Variants in XNDC1N observed in about 807,000 individuals in gnomAD.
XNDC1N encodes XRCC1 N-terminal domain containing 1, N-terminal like.
chr11:71,883,752 A>T, the XNDC1N span, among the ~76,000 whole-genome samples: 1 of 152,220 alleles, frequency 6.6e-6, no homozygotes, highest in African/African-American at 2.4e-5. Flanking sequence ...GGGAATATTT[A>T]TGGGAGATTA....
chr11:71,915,083 C>A, the XNDC1N span, among the ~76,000 whole-genome samples: 1 of 152,158 alleles, frequency 6.6e-6, no homozygotes, highest in South Asian at 2.1e-4. Context: ...GCCAGCCCAA[C>A]CTTCAGCAAT....
chr11:71,867,347 C>T, the XNDC1N span, among the ~76,000 whole-genome samples: 1 of 152,162 alleles, frequency 6.6e-6, no homozygotes, highest in Non-Finnish European at 1.5e-5. Flanking sequence ...GTGGGAACAT[C>T]AGGACCCAGT....
chr11:71,873,315 C>T, the XNDC1N span, among the ~76,000 whole-genome samples: 653 of 152,174 alleles, frequency 4.3e-3, 3 homozygotes, highest in African/African-American at 0.015. Flanking sequence ...TAGTGCTCTC[C>T]GTTTTTTCAG....
At chr11:71,881,839 A>C in the XNDC1N span, among the ~76,000 whole-genome samples, 1 of 152,210 alleles carries the variant, frequency 6.6e-6, no homozygotes, top group Non-Finnish European at 1.5e-5. Flanking sequence ...AGAATTAAAA[A>C]GAACAGAATA....
the XNDC1N span, among the ~76,000 whole-genome samples, chr11:71,924,660 G>A: frequency 7.6e-4 from 116 of 152,130 alleles, no homozygotes; most frequent in Middle Eastern, 3.4e-3. Context: ...CTCTAGCCTG[G>A]GCTACAGAGC....
the XNDC1N span, among the ~76,000 whole-genome samples, chr11:71,866,011 A>G: frequency 6.6e-6 from 1 of 152,246 alleles, no homozygotes; most frequent in Non-Finnish European, 1.5e-5. Context: ...AATTCACTCA[A>G]GTAGAGACTT....
At chr11:71,898,581 G>A in the XNDC1N span, among the ~76,000 whole-genome samples, 10 of 152,132 alleles carry the variant, frequency 6.6e-5, no homozygotes, top group South Asian at 6.2e-4. Flanking sequence ...CACTCCAGCC[G>A]GGGTGACAGA....
chr11:71,885,010 C>A, the XNDC1N span, among the ~76,000 whole-genome samples: 9 of 152,160 alleles, frequency 5.9e-5, 1 homozygote, highest in East Asian at 1.7e-3. Flanking sequence ...TTTTAGGATC[C>A]GCGGTGGATA....
chr11:71,888,496 G>A, the XNDC1N span, among the ~76,000 whole-genome samples: 1 of 152,160 alleles, frequency 6.6e-6, no homozygotes, highest in Non-Finnish European at 1.5e-5. Context: ...CCCCAGCCCT[G>A]GGGCTACCCG....
At chr11:71,896,519 C>T in the XNDC1N span, among the ~76,000 whole-genome samples, 2 of 152,232 alleles carry the variant, frequency 1.3e-5, no homozygotes, top group Admixed American at 1.3e-4. Context: ...TCTCATTATG[C>T]TGGTTTTTAA....
the XNDC1N span, chr11:71,928,365 C>G: frequency 4.5e-6 from 3 of 668,768 alleles, no homozygotes; most frequent in Non-Finnish European, 8.1e-6. Flanking sequence ...CGCCCCTCAC[C>G]CGGGACCGTG....
At chr11:71,918,796 G>C in the XNDC1N span, 1 of 660,996 alleles carries the variant, frequency 1.5e-6, no homozygotes, top group South Asian at 1.6e-5. Context: ...TGCTCAGCCA[G>C]AATGAACTGA....
At chr11:71,910,711 G>A in the XNDC1N span, among the ~76,000 whole-genome samples, 1 of 152,216 alleles carries the variant, frequency 6.6e-6, no homozygotes, top group Non-Finnish European at 1.5e-5. Flanking sequence ...TCGGAACACA[G>A]CCCGGGGTCA....
chr11:71,894,132 C>T, the XNDC1N span: 2 of 506,546 alleles, frequency 3.9e-6, no homozygotes, highest in Non-Finnish European at 3.3e-6. Flanking sequence ...ACTATAAAAT[C>T]GTCCCCTCCA....
chr11:71,916,653 G>C, the XNDC1N span: 1 of 186,852 alleles, frequency 5.4e-6, no homozygotes, highest in African/African-American at 2.3e-5. Context: ...ACACCACCAC[G>C]TGCTCTACAT....
At chr11:71,910,356 CCT>C in the XNDC1N span, among the ~76,000 whole-genome samples, 2 of 152,148 alleles carry the variant, frequency 1.3e-5, no homozygotes, top group African/African-American at 2.4e-5. Flanking sequence ...CAGATTAGCC[CCT>C]GAGAGGCAGA....
At chr11:71,888,114 C>A in the XNDC1N span, among the ~76,000 whole-genome samples, 6 of 152,228 alleles carry the variant, frequency 3.9e-5, no homozygotes, top group African/African-American at 1.2e-4. Flanking sequence ...CACCCCACGG[C>A]AGTTGGGTGT....
At chr11:71,874,938 A>G in the XNDC1N span, among the ~76,000 whole-genome samples, 8 of 152,154 alleles carry the variant, frequency 5.3e-5, no homozygotes, top group Non-Finnish European at 1.2e-4. Context: ...TCAATTAACA[A>G]CATATTGAAC....
the XNDC1N span, chr11:71,904,212 C>T: frequency 2.5e-6 from 1 of 399,208 alleles, no homozygotes. Context: ...ACAGGGTGAA[C>T]ACCCATTGTG....
Sources: allele counts gnomAD v4.1 joint callset (sites outside exome capture counted in the v4.1 genomes callset), GRCh38; gene constraint gnomAD v4.1.1; transcripts MANE v1.5; gene names NCBI Gene and HGNC (gene_info 2026-07-23, HGNC 2026-07-21).